CTNNBL1: variants seen among roughly 807,000 people sequenced by gnomAD.
CTNNBL1 encodes the protein catenin beta like 1, also known as beta-catenin-like protein 1.
A neutral mutation model predicts 72.7 loss-of-function variants in CTNNBL1; 31 were observed. The observed-to-expected ratio is 0.43, with a 90% CI of 0.32 to 0.58. The LOEUF (loss-of-function observed/expected upper bound fraction) is 0.58, where lower values mean the gene tolerates loss of function less well. CTNNBL1 is among the 20% of genes least tolerant of loss of function. The probability of loss-of-function intolerance (pLI) is 0.08; values close to 1 mark genes in which losing one functional copy is unlikely to be tolerated. For synonymous variants in CTNNBL1, 240 were observed against 267.3 expected (o/e 0.90, Z 1.00); for missense variants, 534 against 725.1 (o/e 0.74, Z 3.03).
intron 10 of CTNNBL1, among the ~76,000 whole-genome samples, chr20:37,780,592 TC>T (rs2073617467): frequency 6.6e-6 from 1 of 152,206 alleles, no homozygotes; most frequent in Non-Finnish European, 1.5e-5. Flanking sequence ...AGTAACTGCA[TC>T]ATGGCCTCTA....
chr20:37,829,641 C>G (rs561034587), intron 11 of CTNNBL1, among the ~76,000 whole-genome samples: 1 of 152,084 alleles, frequency 6.6e-6, no homozygotes, highest in Non-Finnish European at 1.5e-5. Flanking sequence ...TAATTTAATT[C>G]TTTACTTCAT....
chr20:37,744,557 G>A (rs180741362), intron 3 of CTNNBL1: 15 of 152,182 alleles, frequency 9.9e-5, no homozygotes, highest in African/African-American at 3.1e-4. Context: ...AAGCTTAATC[G>A]GCCACACCCA....
At chr20:37,711,295 A>G (rs1004739022) in intron 1 of CTNNBL1, among the ~76,000 whole-genome samples, 2 of 151,970 alleles carry the variant, frequency 1.3e-5, no homozygotes, top group African/African-American at 4.8e-5. Context: ...GTTGTTTACC[A>G]TTGTTTCTAG....
intron 11 of CTNNBL1, among the ~76,000 whole-genome samples, chr20:37,824,083 T>C (rs2072135579): frequency 6.6e-6 from 1 of 152,242 alleles, no homozygotes; most frequent in Admixed American, 6.5e-5. Flanking sequence ...TAAATTACTT[T>C]AGATGAGCTA....
At chr20:37,783,476 A>C (rs238304) in intron 10 of CTNNBL1, among the ~76,000 whole-genome samples, 1 of 151,856 alleles carries the variant, frequency 6.6e-6, no homozygotes, top group Non-Finnish European at 1.5e-5. Flanking sequence ...AAGTTTTTCT[A>C]CTTTTTTGTT....
intron 13 of CTNNBL1, among the ~76,000 whole-genome samples, chr20:37,848,139 C>A (rs78961645): frequency 0.05 from 7,136 of 142,048 alleles, 240 homozygotes; most frequent in Non-Finnish European, 0.07. Context: ...TCCCTTCCCA[C>A]TGCCAGCTTT....
chr20:37,701,573 T>C (rs1243608759), intron 1 of CTNNBL1, among the ~76,000 whole-genome samples: 1 of 152,130 alleles, frequency 6.6e-6, no homozygotes, highest in Non-Finnish European at 1.5e-5. Context: ...ATGGATTTGG[T>C]TTGGTCATTG....
intron 5 of CTNNBL1, among the ~76,000 whole-genome samples, chr20:37,759,670 G>A (rs933883044): frequency 5.3e-5 from 8 of 152,064 alleles, no homozygotes; most frequent in African/African-American, 1.7e-4. Flanking sequence ...ACTCTTACAG[G>A]TTTATCCTGG....
intron 11 of CTNNBL1, among the ~76,000 whole-genome samples, chr20:37,813,071 A>T (rs1289891749): frequency 1.3e-5 from 2 of 152,224 alleles, no homozygotes; most frequent in Non-Finnish European, 2.9e-5. Flanking sequence ...CTAGCTGACC[A>T]TCAGAATCAT....
intron 1 of CTNNBL1, among the ~76,000 whole-genome samples, chr20:37,708,184 ACTTT>A (rs1353289122): frequency 2.4e-4 from 36 of 151,752 alleles, no homozygotes; most frequent in African/African-American, 8.2e-4. Flanking sequence ...GCAGCGATAG[ACTTT>A]CTTTTTTTTT....
chr20:37,735,035 TTTGA>T (rs1302196842), intron 2 of CTNNBL1, among the ~76,000 whole-genome samples: 2 of 152,234 alleles, frequency 1.3e-5, no homozygotes, highest in Non-Finnish European at 2.9e-5. Context: ...CTAGAAATGT[TTTGA>T]TTATTTTAGT....
chr20:37,779,475 T>C, intron 10 of CTNNBL1, 140 bp downstream of exon 10: 1 of 872,394 alleles, frequency 1.1e-6, no homozygotes, highest in Non-Finnish European at 1.8e-6. Context: ...TCTTCAGGCA[T>C]GGGGGGATGT....
intron 10 of CTNNBL1, among the ~76,000 whole-genome samples, chr20:37,788,817 A>G (rs901763633): frequency 3.9e-5 from 6 of 152,218 alleles, no homozygotes; most frequent in Non-Finnish European, 8.8e-5. Flanking sequence ...TTTCATTTCC[A>G]GGAGCTGTTT....
intron 1 of CTNNBL1, among the ~76,000 whole-genome samples, chr20:37,703,072 A>G (rs1370742810): frequency 6.6e-6 from 1 of 152,232 alleles, no homozygotes; most frequent in Non-Finnish European, 1.5e-5. Flanking sequence ...CTCTTGCTAC[A>G]AAACCTATAT....
chr20:37,796,078 T>C (rs1600493111), intron 10 of CTNNBL1, among the ~76,000 whole-genome samples: 1 of 152,214 alleles, frequency 6.6e-6, no homozygotes, highest in Non-Finnish European at 1.5e-5. Flanking sequence ...ACTACTCATC[T>C]TACTACTCCG....
chr20:37,700,399 G>A (rs1044527116), intron 1 of CTNNBL1, among the ~76,000 whole-genome samples: 3 of 152,190 alleles, frequency 2.0e-5, no homozygotes, highest in South Asian at 4.1e-4. Flanking sequence ...TTTTTGGGGC[G>A]ACTTGGTGGG....
chr20:37,798,811 G>A (rs1271280397), intron 10 of CTNNBL1, among the ~76,000 whole-genome samples: 3 of 152,138 alleles, frequency 2.0e-5, no homozygotes, highest in African/African-American at 7.2e-5. Context: ...GGTAACTGAA[G>A]GTGCCCTATT....
intron 5 of CTNNBL1, among the ~76,000 whole-genome samples, chr20:37,764,624 G>A (rs1226470437): frequency 1.3e-5 from 2 of 152,196 alleles, no homozygotes; most frequent in Non-Finnish European, 2.9e-5. Context: ...CATACAAATA[G>A]AAGACATTTT....
At chr20:37,809,029 T>A in intron 11 of CTNNBL1, among the ~76,000 whole-genome samples, 1 of 147,818 alleles carries the variant, frequency 6.8e-6, no homozygotes, top group Admixed American at 6.7e-5. Context: ...GTCTCTGCCC[T>A]CATCATCTCT....
Sources: allele counts gnomAD v4.1 joint callset (sites outside exome capture counted in the v4.1 genomes callset), GRCh38; gene constraint gnomAD v4.1.1; transcripts MANE v1.5; gene names NCBI Gene and HGNC (gene_info 2026-07-23, HGNC 2026-07-21).